The following LRP1B variants were observed in gnomAD, a reference collection of about 807,000 sequenced individuals.
LRP1B encodes the protein low-density lipoprotein receptor-related protein 1B.
In LRP1B, 217 loss-of-function variants were observed where a neutral mutation model predicts 556.6. The observed-to-expected ratio is 0.39, with a 90% CI of 0.35 to 0.44. The LOEUF (loss-of-function observed/expected upper bound fraction) is 0.44, where lower values mean the gene tolerates loss of function less well. Ranked by LOEUF, LRP1B falls within the 20% of genes least tolerant of loss-of-function variation. The pLI, the probability that LRP1B is intolerant of heterozygous loss-of-function variation, is 1.00. For missense variants in LRP1B, 5,053 were observed against 5,620.8 expected, an observed-to-expected ratio of 0.90 and a Z score of 3.23; for synonymous variants, 2,047 against 1,865.8, an observed-to-expected ratio of 1.10 and a Z score of -2.50.
intron 2 of LRP1B, among the ~76,000 whole-genome samples, chr2:141,680,897 T>C (rs1297590327): frequency 6.6e-6 from 1 of 152,156 alleles, no homozygotes; most frequent in Non-Finnish European, 1.5e-5. Flanking sequence ...TAATGTGCTT[T>C]TATTGAAGTA....
At chr2:140,390,201 AAAATT>A (rs1410710316) in intron 66 of LRP1B, among the ~76,000 whole-genome samples, 3 of 152,192 alleles carry the variant, frequency 2.0e-5, no homozygotes, top group African/African-American at 7.2e-5. Context: ...TTGAAAAAGA[AAAATT>A]AAACTGGAGA....
chr2:140,799,606 A>G (rs1559126224), intron 32 of LRP1B, among the ~76,000 whole-genome samples: 2 of 152,340 alleles, frequency 1.3e-5, no homozygotes, highest in East Asian at 1.9e-4. Flanking sequence ...TATAATGCAG[A>G]TGTAGATTTT....
Position 140,674,747 on chromosome 2 carries a change from T to G in LRP1B, c.6799+25503A>C, listed in dbSNP as rs557368190. Among the ~76,000 whole-genome samples the G allele has an allele frequency of 2.6e-5, 4 of 152,358 alleles. No individual in the cohort carries two copies. The South Asian group carries it at 8.3e-4, about 32-fold the overall frequency. ...GTGCCTCTGACCATGGTCACTCATG[T>G]TTGGCTCAGGATAAACCTCTTTAAT... On this transcript the variant is annotated intron_variant, in intron 41 of 90. Coordinates refer to ENST00000389484, the MANE Select transcript of LRP1B (RefSeq NM_018557.3).
At chr2:141,497,227 G>T (rs4538134) in intron 2 of LRP1B, among the ~76,000 whole-genome samples, 6,271 of 151,768 alleles carry the variant, frequency 0.041, 179 homozygotes, top group South Asian at 0.12. Context: ...TTTACTTCTG[G>T]AAAAGTGAGG....
intron 53 of LRP1B, among the ~76,000 whole-genome samples, chr2:140,503,805 C>T (rs1186861242): frequency 6.6e-6 from 1 of 152,024 alleles, no homozygotes; most frequent in Non-Finnish European, 1.5e-5. Flanking sequence ...CCTAGTAGAA[C>T]TTTCTGATAA....
intron 15 of LRP1B, among the ~76,000 whole-genome samples, chr2:141,004,321 C>A (rs902804538): frequency 6.6e-6 from 1 of 152,012 alleles, no homozygotes; most frequent in African/African-American, 2.4e-5. Flanking sequence ...TGCCCTCAGT[C>A]GTGTAGATGA....
At chr2:140,944,479 A>T (rs1370327155) in intron 20 of LRP1B, among the ~76,000 whole-genome samples, 1 of 152,112 alleles carries the variant, frequency 6.6e-6, no homozygotes, top group Non-Finnish European at 1.5e-5. Flanking sequence ...ATTACAGCAT[A>T]ATATTCCTAA....
intron 7 of LRP1B, among the ~76,000 whole-genome samples, chr2:141,163,886 G>A (rs1680139373): frequency 1.3e-5 from 2 of 151,948 alleles, no homozygotes; most frequent in Admixed American, 1.3e-4. Context: ...TCCTGCATGG[G>A]TAAACTATAC....
chr2:140,369,973 A>G (rs887340022), intron 71 of LRP1B, among the ~76,000 whole-genome samples: 2 of 151,982 alleles, frequency 1.3e-5, no homozygotes, highest in African/African-American at 4.8e-5. Flanking sequence ...CTTGTATTTA[A>G]AAAATATATC....
intron 2 of LRP1B, among the ~76,000 whole-genome samples, chr2:141,534,705 T>C (rs1167750214): frequency 6.6e-6 from 1 of 152,250 alleles, no homozygotes; most frequent in African/African-American, 2.4e-5. Context: ...AGCTTTTTAC[T>C]GGTAGTTGGC....
At chr2:141,387,883 G>A (rs1019927297) in intron 3 of LRP1B, among the ~76,000 whole-genome samples, 88 of 152,066 alleles carry the variant, frequency 5.8e-4, no homozygotes, top group Admixed American at 2.2e-3. Flanking sequence ...TATCCCTTAC[G>A]GATAGAAACC....
chr2:141,691,013 A>G (rs1395719682), intron 2 of LRP1B, among the ~76,000 whole-genome samples: 22 of 151,882 alleles, frequency 1.4e-4, no homozygotes, highest in Non-Finnish European at 2.5e-4. Context: ...CCAACAATTT[A>G]TTGATGTTCT....
chr2:140,941,131 GA>G (rs1050985923), intron 20 of LRP1B, among the ~76,000 whole-genome samples: 11 of 151,958 alleles, frequency 7.2e-5, no homozygotes, highest in African/African-American at 2.4e-4. Context: ...GACATTAAGA[GA>G]AAAAAAGCGG....
At chr2:141,061,744 C>T (rs1255123316) in intron 8 of LRP1B, among the ~76,000 whole-genome samples, 1 of 151,816 alleles carries the variant, frequency 6.6e-6, no homozygotes, top group Non-Finnish European at 1.5e-5. Context: ...TAGGCCATAA[C>T]ATCTGACCTA....
At chr2:140,337,434 C>T (rs1681157128) in intron 77 of LRP1B, among the ~76,000 whole-genome samples, 1 of 151,760 alleles carries the variant, frequency 6.6e-6, no homozygotes, top group African/African-American at 2.4e-5. Context: ...AAATATTTGT[C>T]CTAGCCAAAC....
chr2:140,911,176 G>A (rs951424154), intron 21 of LRP1B, among the ~76,000 whole-genome samples: 1 of 151,732 alleles, frequency 6.6e-6, no homozygotes, highest in Non-Finnish European at 1.5e-5. Flanking sequence ...AGTGTATGTA[G>A]GCTTTTGATG....
chr2:141,231,477 A>G (rs1324711430), intron 5 of LRP1B, among the ~76,000 whole-genome samples: 1 of 152,182 alleles, frequency 6.6e-6, no homozygotes, highest in Non-Finnish European at 1.5e-5. Context: ...CAAAAAAAAG[A>G]CACAGGGTTT....
chr2:140,297,908 A>G lies in LRP1B; in HGVS notation c.12867T>C (p.Cys4289=), dbSNP rs562314881. Residue 4289 remains cysteine, a synonymous_variant, in exon 84 of 91, where the codon TGT becomes TGC. Transcript: ENST00000389484. ...FTGPNCGKTV[C]EDFCQNGGTC... Reference sequence around the variant, plus strand: ...TTCCTCCATTTTGACAAAAATCCTCACAGACTGTCTTACCACAGTTTGGCC... The same window carrying G: ...TTCCTCCATTTTGACAAAAATCCTCGCAGACTGTCTTACCACAGTTTGGCC... 2 of 1,614,056 alleles carry G rather than the reference A, an allele frequency of 1.2e-6. No homozygotes were observed. Among genetic ancestry groups the G allele is most frequent in the African/African-American group, 1.3e-5 (1 of 75,034 alleles).
At chr2:141,645,219 A>G (rs1284040746) in intron 2 of LRP1B, among the ~76,000 whole-genome samples, 2 of 152,098 alleles carry the variant, frequency 1.3e-5, no homozygotes, top group Admixed American at 1.3e-4. Flanking sequence ...ATTAGGATAA[A>G]TTCTCTCCTT....
Sources: gnomAD v4.1 joint callset for allele counts (sites outside exome capture counted in the v4.1 genomes callset) on GRCh38, gnomAD v4.1.1 for gene constraint, MANE v1.5 for transcripts, NCBI Gene and HGNC (gene_info 2026-07-23, HGNC 2026-07-21) for gene names.